LDLRAP1: variants seen among roughly 807,000 people sequenced by gnomAD.
LDLRAP1 encodes low density lipoprotein receptor adaptor protein 1, also known as low density lipoprotein receptor adapter protein 1.
LDLRAP1 carries 30 observed loss-of-function variants against 37.8 expected under a neutral mutation model. That is an observed-to-expected ratio of 0.79 (90% confidence interval 0.59 to 1.08). The LOEUF (loss-of-function observed/expected upper bound fraction) is 1.08. Ranked by LOEUF, LDLRAP1 falls within the 50% of genes least tolerant of loss-of-function variation. LDLRAP1 has a pLI of 0.00. For missense variants in LDLRAP1, 375 were observed against 401.6 expected, an observed-to-expected ratio of 0.93 and a Z score of 0.57; for synonymous variants, 156 against 169.8, an observed-to-expected ratio of 0.92 and a Z score of 0.63.
At chr1:25,552,645 G>A (rs1164014239) in intron 1 of LDLRAP1, among the ~76,000 whole-genome samples, 1 of 152,226 alleles carries the variant, frequency 6.6e-6, no homozygotes, top group Non-Finnish European at 1.5e-5. Context: ...CTGGCAGGTG[G>A]AAGTGTGAGG....
rs952849934 is a variant in LDLRAP1 at position 25,567,060 on chromosome 1, A to T, written c.*68A>T. ...GGACCAAAGCCACCTGCTGCGGGGG[A>T]GCCAGTTCTGGGGCCCGCCTGCCAC... On this transcript the variant is annotated 3_prime_UTR_variant, in exon 9 of 9. Coordinates refer to ENST00000374338, the MANE Select transcript of LDLRAP1 (RefSeq NM_015627.3). 5.0e-6 allele frequency: 8 copies of T among 1,598,876 alleles called. No homozygotes were observed. Among genetic ancestry groups the T allele is most frequent in the Middle Eastern group, 3.6e-4 (2 of 5,614 alleles).
At chr1:25,553,727 C>T (rs528818891) in intron 1 of LDLRAP1, 195 bp from the exon 2 acceptor site, 3 of 628,988 alleles carry the variant, frequency 4.8e-6, no homozygotes, top group Admixed American at 6.0e-5. Flanking sequence ...GCTGAGCTCG[C>T]ACCACTGCAC....
Position 25,555,031 on chromosome 1 carries a change from TC to T in LDLRAP1, c.344+62del. ...GCCACTTGGGGCAGTGGGTGGAGTA[TC>T]CCATCTGAATCCAGGCTCTACCACT... On this transcript the variant is annotated intron_variant, in intron 3 of 8. Coordinates refer to ENST00000374338, the MANE Select transcript of LDLRAP1 (RefSeq NM_015627.3). The surrounding 1 kb of genome is among the most constrained non-coding windows in gnomAD (Gnocchi z 4.7). 8.0e-7 allele frequency: 1 copy of T among 1,243,648 alleles called. No homozygotes were observed. Among genetic ancestry groups the T allele is most frequent in the Non-Finnish European group, 1.2e-6 (1 of 846,748 alleles). The allele number at this position is 1,243,648 out of a possible 1,614,324, so 77.0% of individuals were successfully genotyped here.
the LDLRAP1 span, among the ~76,000 whole-genome samples, chr1:25,574,483 G>A: frequency 5.9e-5 from 9 of 152,194 alleles, no homozygotes; most frequent in African/African-American, 1.9e-4. Context: ...TTGTCTGAGC[G>A]GGGGGCTTCC....
downstream of LDLRAP1, among the ~76,000 whole-genome samples, chr1:25,569,765 A>G (rs1230244330): frequency 6.6e-6 from 1 of 152,240 alleles, no homozygotes; most frequent in East Asian, 1.9e-4. Context: ...TGCTGAGCGC[A>G]GATGGCAGAT....
At chr1:25,582,916 A>G in the LDLRAP1 span, among the ~76,000 whole-genome samples, 5 of 152,008 alleles carry the variant, frequency 3.3e-5, no homozygotes, top group African/African-American at 1.2e-4. Context: ...TACTAAAAAT[A>G]CTAAAATTAG....
At chr1:25,557,395 C>T in intron 4 of LDLRAP1, 128 bp downstream of exon 4, 2 of 741,228 alleles carry the variant, frequency 2.7e-6, no homozygotes, top group South Asian at 1.6e-5. Flanking sequence ...GGTGAAATCT[C>T]TGGGAACCCC....
Position 25,557,133 on chromosome 1 carries a change from G to A in LDLRAP1, c.345-20G>A. On this transcript the variant is annotated intron_variant, in intron 3 of 8. Transcript: ENST00000374338. The stretch of plus-strand genomic sequence containing the variant: ...AGGCCCCTGTGCCAGGTCTGGTGAT[G>A]CTTCCTCCTTGCCTTTCAGGATCTC... 1 of 1,593,012 alleles carries A rather than the reference G, an allele frequency of 6.3e-7. No homozygotes were observed. The highest frequency in any genetic ancestry group is 1.1e-5 in the South Asian group (1 of 90,714).
chr1:25,558,415 C>T (rs189884609), intron 4 of LDLRAP1, among the ~76,000 whole-genome samples: 6 of 152,276 alleles, frequency 3.9e-5, no homozygotes, highest in East Asian at 1.9e-4. Flanking sequence ...AACAAATGAT[C>T]GCAAATTTAG....
the LDLRAP1 span, among the ~76,000 whole-genome samples, chr1:25,579,831 A>G: frequency 6.6e-6 from 1 of 152,088 alleles, no homozygotes; most frequent in African/African-American, 2.4e-5. Flanking sequence ...CAGCTGCTAG[A>G]TTCTCATCCC....
Position 25,567,566 on chromosome 1 carries a change from A to C in LDLRAP1, c.*574A>C, listed in dbSNP as rs921203586. On this transcript the variant is annotated 3_prime_UTR_variant, in exon 9 of 9. Coordinates refer to ENST00000374338, the MANE Select transcript of LDLRAP1 (RefSeq NM_015627.3). ...CTGGACCCCAGGCTCTTAGAGACTA[A>C]GGGGCAGCTCCTGACCAAAGACGAT... 1.5e-5 allele frequency: 3 copies of C among 201,158 alleles called. No individual in the cohort carries two copies. Among genetic ancestry groups the C allele is most frequent in the South Asian group, 1.6e-4 (2 of 12,558 alleles). The allele number at this position is 201,158 out of a possible 1,614,324, so 12.5% of individuals were successfully genotyped here. A position where few individuals can be genotyped will look rare whatever the true frequency, so the allele number is the denominator to read the frequency against.
rs1290470461 is a variant in LDLRAP1, at chr1:25,563,158, G to A, written c.616+5G>A. The A allele has an allele frequency of 1.2e-5, 19 of 1,613,492 alleles. No individual in the cohort carries two copies. The highest frequency in any genetic ancestry group is 1.5e-5 in the Non-Finnish European group (18 of 1,179,464). ...GCACCCCCTCCTTGAAGAGCTGTGA[G>A]TCCTGACGGGGAAGGGGGATTGGCC... On this transcript the variant is annotated splice_donor_5th_base_variant and intron_variant, in intron 6 of 8. Coordinates refer to ENST00000374338, the MANE Select transcript of LDLRAP1 (RefSeq NM_015627.3).
At chr1:25,583,444 C>G in the LDLRAP1 span, among the ~76,000 whole-genome samples, 1 of 152,062 alleles carries the variant, frequency 6.6e-6, no homozygotes, top group Non-Finnish European at 1.5e-5. Flanking sequence ...CTGCCCACTT[C>G]AGCCTCCCAA....
At chr1:25,573,434 C>G (rs975394993), downstream of LDLRAP1, among the ~76,000 whole-genome samples, 1 of 152,170 alleles carries the variant, frequency 6.6e-6, no homozygotes, top group African/African-American at 2.4e-5. Flanking sequence ...CCTGTAGGTC[C>G]CGGTGGCTGC....
chr1:25,569,771 C>T (rs2044578016), downstream of LDLRAP1, among the ~76,000 whole-genome samples: 1 of 152,236 alleles, frequency 6.6e-6, no homozygotes, highest in South Asian at 2.1e-4. Context: ...GCGCAGATGG[C>T]AGATGGCATT....
intron 1 of LDLRAP1, chr1:25,553,380 C>T (rs2044120342): frequency 6.4e-6 from 1 of 156,684 alleles, no homozygotes; most frequent in South Asian, 1.9e-4. Flanking sequence ...CTTGCACTTC[C>T]TGGCTCTCTG....
chr1:25,551,926 C>A (rs1377662502), intron 1 of LDLRAP1, among the ~76,000 whole-genome samples: 1 of 152,180 alleles, frequency 6.6e-6, no homozygotes, highest in Non-Finnish European at 1.5e-5. Flanking sequence ...AGTCCCTGCT[C>A]ACCTGATCTC....
intron 6 of LDLRAP1, among the ~76,000 whole-genome samples, chr1:25,563,426 T>C (rs6701596): frequency 0.49 from 74,253 of 152,092 alleles, 18,594 homozygotes; most frequent in Middle Eastern, 0.56. Flanking sequence ...ATTGTGTGGT[T>C]GCTTAAGAAA....
downstream of LDLRAP1, among the ~76,000 whole-genome samples, chr1:25,572,925 A>T (rs1172565453): frequency 6.6e-6 from 1 of 152,186 alleles, no homozygotes; most frequent in Non-Finnish European, 1.5e-5. Flanking sequence ...AAGAGGGGGC[A>T]TGGAGCTGCA....
Sources: allele counts gnomAD v4.1 joint callset (sites outside exome capture counted in the v4.1 genomes callset), GRCh38; gene constraint gnomAD v4.1.1; non-coding constraint Gnocchi (gnomAD v3.1); transcripts MANE v1.5; gene names NCBI Gene and HGNC (gene_info 2026-07-23, HGNC 2026-07-21).